The following SNAP91 variants were observed in gnomAD, a reference collection of about 807,000 sequenced individuals.
SNAP91 encodes synaptosome associated protein 91, also known as clathrin coat assembly protein AP180.
SNAP91 carries 27 observed loss-of-function variants against 100.3 expected under a neutral mutation model. The observed-to-expected ratio is 0.27, with a 90% CI of 0.20 to 0.37. The LOEUF (loss-of-function observed/expected upper bound fraction) is 0.37, where lower values mean the gene tolerates loss of function less well. SNAP91 is among the 10% of genes least tolerant of loss of function. The probability of loss-of-function intolerance (pLI) is 1.00; values close to 1 mark genes in which losing one functional copy is unlikely to be tolerated. For synonymous variants in SNAP91, 404 were observed against 398.6 expected, an observed-to-expected ratio of 1.01 and a Z score of -0.16; for missense variants, 986 against 1,123.7, an observed-to-expected ratio of 0.88 and a Z score of 1.75.
In SNAP91 at chr6:83,665,572, T is replaced by C; in HGVS notation, c.140A>G (p.Gln47Arg). 6.2e-7 allele frequency: 1 copy of C among 1,609,410 alleles called. No homozygotes were observed. Among genetic ancestry groups the C allele is most frequent in the Non-Finnish European group, 8.5e-7 (1 of 1,178,400 alleles). The change falls in exon 3 of 30, where the codon CAG becomes CGG. Residue 47 changes from glutamine to arginine, a missense_variant. Around this residue, in one of 4 missense-constraint regions of SNAP91, gnomAD observed 330 missense variants for 447.5 expected, o/e 0.74. Coordinates refer to ENST00000369694, the MANE Select transcript of SNAP91 (RefSeq NM_001242792.2). ...ATTAACATTGGTCTCGTTGGTAGCC[T>C]GGATCAAATCTATGAAAATAGAAGA... ...PKKKHLDYLI[Q>R]ATNETNVNIP... is the part of the protein sequence containing the mutation.
At chr6:83,633,244 G>A (rs1395817964) in intron 8 of SNAP91, among the ~76,000 whole-genome samples, 1 of 152,162 alleles carries the variant, frequency 6.6e-6, no homozygotes, top group Non-Finnish European at 1.5e-5. Flanking sequence ...ACTGTCTGTG[G>A]GTCTCTCAGC....
intron 14 of SNAP91, among the ~76,000 whole-genome samples, chr6:83,602,653 T>C (rs992345634): frequency 1.3e-5 from 2 of 152,224 alleles, no homozygotes; most frequent in Admixed American, 6.5e-5. Context: ...TAAAGTCTTA[T>C]AATTTTTACT....
At chr6:83,568,212 G>T (rs145841406) in intron 26 of SNAP91, among the ~76,000 whole-genome samples, 2,487 of 152,084 alleles carry the variant, frequency 0.016, 68 homozygotes, top group African/African-American at 0.057. Context: ...GGATGAAGCT[G>T]GAAACCATCA....
chr6:83,575,160 A>G, intron 25 of SNAP91, 39 bp from the exon 26 acceptor site: 1 of 1,413,892 alleles, frequency 7.1e-7, no homozygotes, highest in Non-Finnish European at 9.8e-7. Flanking sequence ...CAAACAAAAA[A>G]TCACAAATCA....
At chr6:83,575,266 C>T (rs1363148444) in intron 25 of SNAP91, 145 bp from the exon 26 acceptor site, 7 of 628,162 alleles carry the variant, frequency 1.1e-5, no homozygotes, top group Admixed American at 6.5e-5. Context: ...GCAGTTAAAA[C>T]TTACAGAGGA....
chr6:83,566,174 A>G (rs1796329486), intron 26 of SNAP91, among the ~76,000 whole-genome samples: 1 of 152,174 alleles, frequency 6.6e-6, no homozygotes, highest in Non-Finnish European at 1.5e-5. Flanking sequence ...ATGCTAAGTA[A>G]AAGAAGCCAG....
intron 26 of SNAP91, among the ~76,000 whole-genome samples, chr6:83,564,604 A>G (rs1185739246): frequency 6.6e-6 from 1 of 152,030 alleles, no homozygotes; most frequent in African/African-American, 2.4e-5. Context: ...AGCTCAAGTA[A>G]TCCATACATC....
chr6:83,662,397 C>A lies in SNAP91; in HGVS notation c.299G>T (p.Arg100Ile). 1 of 1,406,650 alleles carries A rather than the reference C, an allele frequency of 7.1e-7. No homozygotes were observed. The highest frequency in any genetic ancestry group is 1.6e-5 in the South Asian group (1 of 63,894). The allele number at this position is 1,406,650 out of a possible 1,614,324, so 87.1% of individuals were successfully genotyped here. The part of the protein sequence containing the change: ...NERFIQYLAS[R>I]NTLFNLSNFL... ...ATTGCTGAGATTGAATAGTGTATTT[C>A]TAGAAGCCAAATATTGAATAAATCT... is the stretch of plus-strand genomic sequence containing the variant. Residue 100 changes from arginine to isoleucine, a missense_variant, in exon 4 of 30, where the codon AGA becomes ATA. Arg to Ile is a moderately conservative substitution (Grantham distance 97). This residue lies in a region of SNAP91 where 330 missense variants were observed against 447.5 expected (regional missense o/e 0.74). Coordinates refer to ENST00000369694, the MANE Select transcript of SNAP91 (RefSeq NM_001242792.2).
rs1304924469 is a variant in SNAP91 at position 83,641,208 on chromosome 6, G to C, written c.659-6C>G. Reference sequence around the variant, plus strand: ...CTTCATTTCAAAAAACTTTTCTAGAGAAGATAAAGAGATAAGCAATTTGAA... The same window carrying C: ...CTTCATTTCAAAAAACTTTTCTAGACAAGATAAAGAGATAAGCAATTTGAA... On this transcript the variant is annotated splice_region_variant and splice_polypyrimidine_tract_variant and intron_variant, in intron 7 of 29. Coordinates refer to ENST00000369694, the MANE Select transcript of SNAP91 (RefSeq NM_001242792.2). 8.6e-6 allele frequency: 11 copies of C among 1,284,080 alleles called. No homozygotes were observed. In the Admixed American group the frequency reaches 2.9e-4, roughly 34 times the overall value. 79.5% of individuals were successfully genotyped at this position (1,284,080 alleles called of 1,614,324 possible).
intron 2 of SNAP91, among the ~76,000 whole-genome samples, chr6:83,695,820 T>C (rs1368748770): frequency 1.3e-5 from 2 of 151,926 alleles, no homozygotes; most frequent in African/African-American, 4.8e-5. Context: ...TTAAGATATA[T>C]ATAGAATAGA....
intron 3 of SNAP91, among the ~76,000 whole-genome samples, chr6:83,663,473 C>T (rs2098603891): frequency 6.6e-6 from 1 of 152,118 alleles, no homozygotes; most frequent in Non-Finnish European, 1.5e-5. Context: ...AGCTTTCTTG[C>T]TGATATGGAG....
intron 12 of SNAP91, 98 bp from the exon 13 acceptor site, chr6:83,607,906 ATT>A: frequency 2.2e-6 from 1 of 459,802 alleles, no homozygotes; most frequent in Non-Finnish European, 3.7e-6. Flanking sequence ...ATGCCCAGCA[ATT>A]TTTTTTTTGT....
At chr6:83,703,358 T>C (rs1347766035) in intron 2 of SNAP91, among the ~76,000 whole-genome samples, 1 of 152,130 alleles carries the variant, frequency 6.6e-6, no homozygotes, top group Non-Finnish European at 1.5e-5. Flanking sequence ...CCCTACTAAA[T>C]TATCACAAAT....
At chr6:83,702,840 C>A (rs1267624559) in intron 2 of SNAP91, among the ~76,000 whole-genome samples, 9 of 151,950 alleles carry the variant, frequency 5.9e-5, no homozygotes, top group Non-Finnish European at 1.3e-4. Context: ...GCTATAAATT[C>A]TGTTTAATTA....
chr6:83,570,280 C>G (rs747917701), intron 26 of SNAP91, among the ~76,000 whole-genome samples: 1 of 152,136 alleles, frequency 6.6e-6, no homozygotes, highest in Non-Finnish European at 1.5e-5. Context: ...AATTTCTAAG[C>G]TGCTAAACAT....
intron 2 of SNAP91, chr6:83,686,065 G>T: frequency 1.6e-6 from 1 of 645,146 alleles, no homozygotes. Context: ...GTCTAGACCA[G>T]TAGATGCACA....
chr6:83,668,787 C>T (rs904315250), intron 2 of SNAP91, among the ~76,000 whole-genome samples: 7 of 151,940 alleles, frequency 4.6e-5, no homozygotes, highest in Middle Eastern at 3.4e-3. Flanking sequence ...TTTTTCAGTT[C>T]GTTAGTAATT....
At chr6:83,583,657 AAAGTTT>A (rs1250406057) in intron 22 of SNAP91, among the ~76,000 whole-genome samples, 1 of 152,218 alleles carries the variant, frequency 6.6e-6, no homozygotes, top group East Asian at 1.9e-4. Context: ...ATTCCTACAT[AAAGTTT>A]AAGTATATAT....
rs188875939 is a variant in SNAP91 at position 83,634,370 on chromosome 6, G to C, written c.765+6726C>G. 9.6e-4 allele frequency among the ~76,000 whole-genome samples: 142 copies of C among 147,980 alleles called. 1 individual carries two copies. The highest frequency in any genetic ancestry group is 3.4e-3 in the Middle Eastern group (1 of 294). ...TAGGCCTACGGTTTCCCCAGTGCGGGGTGTGTGTTCAGGGGCAGAGGATCT... is the reference window on the plus strand; with the variant it reads ...TAGGCCTACGGTTTCCCCAGTGCGGCGTGTGTGTTCAGGGGCAGAGGATCT... On this transcript the variant is annotated intron_variant, in intron 8 of 29. Transcript: ENST00000369694.
Sources: allele counts gnomAD v4.1 joint callset (sites outside exome capture counted in the v4.1 genomes callset), GRCh38; gene constraint gnomAD v4.1.1; regional missense constraint gnomAD v4.1.1; transcripts MANE v1.5; gene names NCBI Gene and HGNC (gene_info 2026-07-23, HGNC 2026-07-21).